UBASH3A: variants seen among roughly 807,000 people sequenced by gnomAD.
The protein encoded by UBASH3A is ubiquitin-associated and SH3 domain-containing protein A.
UBASH3A carries 63 observed loss-of-function variants against 73.5 expected under a neutral mutation model. The ratio of observed to expected loss-of-function variants is 0.86; its 90% CI spans 0.70 to 1.06. The LOEUF is 1.06. Ranked by LOEUF, UBASH3A falls within the 50% of genes least tolerant of loss-of-function variation. The pLI, the probability that UBASH3A is intolerant of heterozygous loss-of-function variation, is 0.00. For missense variants in UBASH3A, 860 were observed against 859.0 expected (o/e 1.00, Z -0.02); for synonymous variants, 363 against 351.1 (o/e 1.03, Z -0.38).
intron 8 of UBASH3A, among the ~76,000 whole-genome samples, chr21:42,429,121 C>T (rs1198492539): frequency 6.6e-6 from 1 of 152,208 alleles, no homozygotes; most frequent in African/African-American, 2.4e-5. Context: ...GAGGCAGAGA[C>T]TGGAGCAATG....
chr21:42,414,094 C>T (rs1334165503), intron 5 of UBASH3A, among the ~76,000 whole-genome samples: 1 of 152,158 alleles, frequency 6.6e-6, no homozygotes, highest in Non-Finnish European at 1.5e-5. Context: ...CCCATCCTGC[C>T]ATAGTTCCCG....
At chr21:42,421,077 C>G (rs2053330192) in intron 7 of UBASH3A, among the ~76,000 whole-genome samples, 1 of 152,228 alleles carries the variant, frequency 6.6e-6, no homozygotes, top group South Asian at 2.1e-4. Flanking sequence ...CACCATAAAG[C>G]CATTGCAAAG....
chr21:42,430,595 G>T (rs186841393), intron 8 of UBASH3A, among the ~76,000 whole-genome samples: 1 of 152,236 alleles, frequency 6.6e-6, no homozygotes, highest in African/African-American at 2.4e-5. Context: ...ATCCCTGGTC[G>T]CCTGGGCTCC....
chr21:42,441,180 C>G (rs1244810873), intron 11 of UBASH3A, among the ~76,000 whole-genome samples: 1 of 152,110 alleles, frequency 6.6e-6, no homozygotes, highest in Non-Finnish European at 1.5e-5. Context: ...CATGATCAAC[C>G]TGCTTATCAG....
In UBASH3A at chr21:42,434,914, C is replaced by T; in HGVS notation, c.1353C>T (p.Pro451=). ...SRGIKDFEND[P]PLSSCGIFQS... is the part of the protein sequence containing the mutation. Reference sequence around the variant, plus strand: ...GGATCAAAGACTTTGAAAACGATCCCCCATTATCATCGTGTGGCATTTTCC... The same window carrying T: ...GGATCAAAGACTTTGAAAACGATCCTCCATTATCATCGTGTGGCATTTTCC... The change falls in exon 10 of 15, where the codon CCC becomes CCT. Residue 451 remains proline, a synonymous_variant. Transcript: ENST00000319294. 6.2e-7 allele frequency: 1 copy of T among 1,614,188 alleles called. No homozygotes were observed. The highest frequency in any genetic ancestry group is 8.5e-7 in the Non-Finnish European group (1 of 1,180,038).
intron 1 of UBASH3A, 97 bp downstream of exon 1, chr21:42,404,155 G>C (rs1236100169): frequency 5.0e-6 from 3 of 603,538 alleles, no homozygotes; most frequent in Non-Finnish European, 7.7e-6. Context: ...GTAGGGTACG[G>C]CTTCCTGCCA....
intron 7 of UBASH3A, 54 bp downstream of exon 7, chr21:42,418,663 A>C: frequency 6.5e-7 from 1 of 1,527,998 alleles, no homozygotes; most frequent in East Asian, 2.4e-5. Flanking sequence ...TTACTGTGTG[A>C]GAGTGCCCAC....
In UBASH3A at chr21:42,410,440, T is replaced by C. The variant is rs897275595; in HGVS notation, c.354+832T>C. Reference sequence around the variant, plus strand: ...ATTCCAACACCAGGCCCCTCGGTGCTGGATGGAAAGGAGGAATGCAAACCT... The same window carrying C: ...ATTCCAACACCAGGCCCCTCGGTGCCGGATGGAAAGGAGGAATGCAAACCT... On this transcript the variant is annotated intron_variant, in intron 3 of 14. Transcript: ENST00000319294. 12 of 503,298 alleles carry C rather than the reference T, an allele frequency of 2.4e-5. No individual in the cohort carries two copies. The Admixed American group carries it at 2.8e-4, about 12-fold the overall frequency. 31.2% of individuals were successfully genotyped at this position (503,298 alleles called of 1,614,324 possible).
intron 9 of UBASH3A, among the ~76,000 whole-genome samples, chr21:42,434,129 CT>C (rs2053584928): frequency 6.6e-6 from 1 of 152,128 alleles, no homozygotes; most frequent in African/African-American, 2.4e-5. Context: ...TTGAGTCAGA[CT>C]CTGGGCTATG....
In UBASH3A at chr21:42,412,293, G is replaced by A. The variant is rs4920103; in HGVS notation, c.355-731G>A. ...TCCGTGGGCCTGAGGGATTCTCCAGGTGACAGAGAGCCTGCGGCCTCAGGG... is the reference window on the plus strand; with the variant it reads ...TCCGTGGGCCTGAGGGATTCTCCAGATGACAGAGAGCCTGCGGCCTCAGGG... On this transcript the variant is annotated intron_variant, in intron 3 of 14. Transcript: ENST00000319294. Among the ~76,000 whole-genome samples, 1,385 of 152,314 alleles carry A rather than the reference G, an allele frequency of 9.1e-3. 92 individuals are homozygous for A. Among genetic ancestry groups the A allele is most frequent in the Admixed American group, 0.081 (1,235 of 15,296 alleles).
chr21:42,438,546 G>C (rs376554929), intron 11 of UBASH3A, among the ~76,000 whole-genome samples: 21 of 152,308 alleles, frequency 1.4e-4, no homozygotes, highest in African/African-American at 5.1e-4. Flanking sequence ...TAGACCGGGA[G>C]TAGGTGGAGA....
At chr21:42,404,650 C>G (rs927823945) in intron 1 of UBASH3A, among the ~76,000 whole-genome samples, 4 of 152,206 alleles carry the variant, frequency 2.6e-5, no homozygotes, top group African/African-American at 9.6e-5. Flanking sequence ...TATTCAAACT[C>G]TAACGTGAAA....
intron 9 of UBASH3A, 92 bp from the exon 10 acceptor site, chr21:42,434,740 C>A: frequency 7.5e-7 from 1 of 1,335,414 alleles, no homozygotes; most frequent in Non-Finnish European, 1.0e-6. Flanking sequence ...AATAACATTG[C>A]TGTTAGAGTG....
chr21:42,437,592 C>A lies in UBASH3A; in HGVS notation c.1486+12C>A. 6.2e-7 allele frequency: 1 copy of A among 1,610,134 alleles called. No individual in the cohort carries two copies. Among genetic ancestry groups the A allele is most frequent in the Non-Finnish European group, 8.5e-7 (1 of 1,176,402 alleles). On this transcript the variant is annotated intron_variant, in intron 11 of 14. Transcript: ENST00000319294. Reference sequence around the variant, plus strand: ...ACTCATCCTGGAAGGTCAGTGAGAACCTCGGTGAGCCTCTCCTACTGCCTT... The same window carrying A: ...ACTCATCCTGGAAGGTCAGTGAGAAACTCGGTGAGCCTCTCCTACTGCCTT...
chr21:42,421,276 G>A (rs904989519), intron 7 of UBASH3A, among the ~76,000 whole-genome samples: 4 of 152,196 alleles, frequency 2.6e-5, no homozygotes, highest in African/African-American at 9.7e-5. Flanking sequence ...ACTGAATGAT[G>A]AGAGTGGGAG....
At chr21:42,417,597 T>G (rs2053240696) in intron 6 of UBASH3A, 1 of 152,184 alleles carries the variant, frequency 6.6e-6, no homozygotes, top group Non-Finnish European at 1.5e-5. Context: ...TGAGCACAAT[T>G]CACTTTAAAG....
chr21:42,413,531 A>T lies in UBASH3A; in HGVS notation c.667+8A>T. ...ACTACATCCTTCAAAAATGTAAGCCATTAGAAAGCTTCCGGACCAGCTTTG... is the reference window on the plus strand; with the variant it reads ...ACTACATCCTTCAAAAATGTAAGCCTTTAGAAAGCTTCCGGACCAGCTTTG... On this transcript the variant is annotated splice_region_variant and intron_variant, in intron 5 of 14. Coordinates refer to ENST00000319294, the MANE Select transcript of UBASH3A (RefSeq NM_018961.4). This position sits in a 1 kb window ranked among gnomAD's most constrained non-coding sequence, Gnocchi z 4.5. 1 of 1,599,244 alleles carries T rather than the reference A, an allele frequency of 6.3e-7. No homozygotes were observed. The highest frequency in any genetic ancestry group is 8.6e-7 in the Non-Finnish European group (1 of 1,167,492).
intron 8 of UBASH3A, among the ~76,000 whole-genome samples, chr21:42,431,463 C>T (rs1048792670): frequency 9.2e-5 from 14 of 152,218 alleles, no homozygotes; most frequent in Admixed American, 2.6e-4. Flanking sequence ...TGCTGGCCAC[C>T]GCCAAGGCCA....
At chr21:42,427,229 G>C (rs982007473) in intron 8 of UBASH3A, among the ~76,000 whole-genome samples, 3 of 152,282 alleles carry the variant, frequency 2.0e-5, no homozygotes, top group Admixed American at 2.0e-4. Flanking sequence ...GCACAGCAGG[G>C]CACCCCGAGC....
Sources: gnomAD v4.1 joint callset for allele counts (sites outside exome capture counted in the v4.1 genomes callset) on GRCh38, gnomAD v4.1.1 for gene constraint, Gnocchi (gnomAD v3.1) non-coding constraint, MANE v1.5 for transcripts, NCBI Gene and HGNC (gene_info 2026-07-23, HGNC 2026-07-21) for gene names.